The following NF1 variants were observed in gnomAD, a reference collection of about 807,000 sequenced individuals.
The protein encoded by NF1 is neurofibromin.
In NF1, 122 loss-of-function variants were observed where a neutral mutation model predicts 325.7. That is an observed-to-expected ratio of 0.37 (90% CI 0.32 to 0.44). The LOEUF (loss-of-function observed/expected upper bound fraction) is 0.44. NF1 is among the 20% of genes least tolerant of loss of function. NF1 has a pLI of 1.00. For synonymous variants in NF1, 1,091 were observed against 1,186.0 expected (o/e 0.92, Z 1.65); for missense variants, 2,140 against 3,415.4 (o/e 0.63, Z 9.31).
At chr17:31,228,050 G>C (rs2067046847) in intron 20 of NF1, among the ~76,000 whole-genome samples, 1 of 152,200 alleles carries the variant, frequency 6.6e-6, no homozygotes, top group Non-Finnish European at 1.5e-5. Flanking sequence ...AGGAGCAACA[G>C]AGGTAGAGAT....
intron 1 of NF1, among the ~76,000 whole-genome samples, chr17:31,145,097 G>T (rs1916496856): frequency 6.6e-6 from 1 of 152,134 alleles, no homozygotes; most frequent in Admixed American, 6.5e-5. Context: ...CTCTTGCTAG[G>T]CTTTGAACAT....
chr17:31,291,260 A>AGAAT (rs957415508), intron 36 of NF1, among the ~76,000 whole-genome samples: 2 of 152,142 alleles, frequency 1.3e-5, no homozygotes, highest in African/African-American at 4.8e-5. Context: ...GTTGAGTGAA[A>AGAAT]GAATGAATGA....
At chr17:31,279,462 C>CT (rs1376082176) in intron 36 of NF1, among the ~76,000 whole-genome samples, 1 of 151,814 alleles carries the variant, frequency 6.6e-6, no homozygotes, top group Non-Finnish European at 1.5e-5. Flanking sequence ...TGAAAAGTGG[C>CT]TTTTTAGCGT....
chr17:31,333,872 ACT>A (rs1266726396), intron 39 of NF1, among the ~76,000 whole-genome samples: 1 of 152,228 alleles, frequency 6.6e-6, no homozygotes, highest in African/African-American at 2.4e-5. Flanking sequence ...AATTTTAAAA[ACT>A]CTTTGAGACT....
intron 11 of NF1, among the ~76,000 whole-genome samples, chr17:31,205,705 A>G (rs2066607644): frequency 2.0e-5 from 3 of 152,134 alleles, no homozygotes; most frequent in African/African-American, 7.2e-5. Flanking sequence ...GGTTTACTTA[A>G]TAGTTTTATT....
intron 8 of NF1, among the ~76,000 whole-genome samples, chr17:31,186,112 A>G (rs996726083): frequency 2.0e-5 from 3 of 152,068 alleles, no homozygotes; most frequent in Non-Finnish European, 1.5e-5. Context: ...GCATTCCATC[A>G]TCAAGTGGAA....
intron 1 of NF1, among the ~76,000 whole-genome samples, chr17:31,096,181 C>T (rs527702097): frequency 2.2e-5 from 3 of 138,750 alleles, no homozygotes; most frequent in South Asian, 2.7e-4. Flanking sequence ...GATGCATTCT[C>T]GAGTGAGAAT....
intron 29 of NF1, among the ~76,000 whole-genome samples, chr17:31,237,594 A>T (rs1296767607): frequency 6.6e-6 from 1 of 150,828 alleles, no homozygotes; most frequent in East Asian, 2.0e-4. Flanking sequence ...TGTTTTGTAA[A>T]GCCTTGTATT....
At chr17:31,153,018 TA>T (rs1372756612) in intron 1 of NF1, among the ~76,000 whole-genome samples, 14 of 148,936 alleles carry the variant, frequency 9.4e-5, no homozygotes, top group East Asian at 3.9e-4. Context: ...TTTCATGAAA[TA>T]AAAAAAAAAT....
intron 1 of NF1, among the ~76,000 whole-genome samples, chr17:31,119,606 T>C (rs866938249): frequency 6.6e-6 from 1 of 152,288 alleles, no homozygotes; most frequent in Middle Eastern, 3.4e-3. Context: ...AGAAGCTCTT[T>C]AATTTAATTA....
intron 8 of NF1, among the ~76,000 whole-genome samples, chr17:31,187,574 A>G (rs920829613): frequency 6.6e-6 from 1 of 152,166 alleles, no homozygotes; most frequent in Non-Finnish European, 1.5e-5. Context: ...TGAAGTCACA[A>G]TTACAATGCC....
chr17:31,367,339 C>A, intron 57 of NF1: 1 of 1,112,676 alleles, frequency 9.0e-7, no homozygotes, highest in Non-Finnish European at 1.2e-6. Flanking sequence ...TCATCCTGGG[C>A]ACATAGCATG....
intron 9 of NF1, 46 bp from the exon 10 acceptor site, chr17:31,200,991 T>C: frequency 6.2e-7 from 1 of 1,609,984 alleles, no homozygotes; most frequent in Non-Finnish European, 8.5e-7. Context: ...AAAGAAATAC[T>C]GCATGGGTAT....
intron 48 of NF1, 61 bp from the exon 49 acceptor site, chr17:31,349,059 G>T (rs2151572232): frequency 6.5e-7 from 1 of 1,539,266 alleles, no homozygotes. Context: ...GACCTCAGCA[G>T]ATGCTTGTTC....
intron 12 of NF1, among the ~76,000 whole-genome samples, chr17:31,212,293 G>A (rs533759301): frequency 2.0e-3 from 312 of 152,326 alleles, no homozygotes; most frequent in African/African-American, 6.9e-3. Flanking sequence ...GGGAAATAAC[G>A]TGTGGAGCTG....
chr17:31,181,852 AT>A (rs1474488510), intron 7 of NF1, 67 bp downstream of exon 7: 1 of 1,114,806 alleles, frequency 9.0e-7, no homozygotes, highest in Non-Finnish European at 1.3e-6. Flanking sequence ...ATAAAAACCT[AT>A]CATCGTTTTC....
intron 1 of NF1, among the ~76,000 whole-genome samples, chr17:31,101,079 G>T (rs947746561): frequency 3.3e-5 from 5 of 151,894 alleles, no homozygotes; most frequent in South Asian, 2.1e-4. Context: ...TTTTGTTGTT[G>T]TTGTTGCCAG....
intron 36 of NF1, among the ~76,000 whole-genome samples, chr17:31,315,465 T>A (rs1196494122): frequency 7.9e-5 from 12 of 152,226 alleles, no homozygotes; most frequent in Non-Finnish European, 1.3e-4. Flanking sequence ...CCATTCTCCA[T>A]GATGTGATTA....
rs147188807 is a variant in NF1 at position 31,229,453 on chromosome 17, C to T, written c.2838C>T (p.Asp946=). 29 of 1,613,628 alleles carry T rather than the reference C, an allele frequency of 1.8e-5. No homozygotes were observed. The African/African-American group carries it at 3.7e-4, about 21-fold the overall frequency. Residue 946 remains aspartate (D), a synonymous_variant, in exon 21 of 58, where the codon GAC becomes GAT. Transcript: ENST00000358273. ...AGAATACCATCAGCAAGTTTTTTGA[C>T]TCCCAAGGACAGGTAAAGTGTTCTC... ...KLKNTISKFF[D]SQGQVLLTDT...
Sources: allele counts gnomAD v4.1 joint callset (sites outside exome capture counted in the v4.1 genomes callset), GRCh38; gene constraint gnomAD v4.1.1; transcripts MANE v1.5; gene names NCBI Gene and HGNC (gene_info 2026-07-23, HGNC 2026-07-21).